TGFBR3: variants seen among roughly 807,000 people sequenced by gnomAD.
The protein encoded by TGFBR3 is transforming growth factor beta receptor 3.
TGFBR3 carries 46 observed loss-of-function variants against 87.9 expected under a neutral mutation model. That is an observed-to-expected ratio of 0.52 (90% CI 0.41 to 0.67). TGFBR3 has a LOEUF of 0.67. Ranked by LOEUF, TGFBR3 falls within the 30% of genes least tolerant of loss-of-function variation. TGFBR3 has a pLI of 0.00. For synonymous variants in TGFBR3, 381 were observed against 391.6 expected, an observed-to-expected ratio of 0.97 and a Z score of 0.32; for missense variants, 866 against 1,041.9, an observed-to-expected ratio of 0.83 and a Z score of 2.32.
At chr1:91,816,038 T>A (rs140075972) in intron 2 of TGFBR3, among the ~76,000 whole-genome samples, 187 of 152,266 alleles carry the variant, frequency 1.2e-3, no homozygotes, top group Middle Eastern at 6.8e-3. Context: ...AACCCATGAA[T>A]TGAAAGACTG....
intron 7 of TGFBR3, among the ~76,000 whole-genome samples, chr1:91,724,133 G>A (rs544425245): frequency 2.6e-5 from 4 of 152,132 alleles, no homozygotes; most frequent in East Asian, 1.9e-4. Flanking sequence ...CAACTTCTGC[G>A]GCCATTTGTA....
chr1:91,776,617 G>A (rs1674575113), intron 3 of TGFBR3, among the ~76,000 whole-genome samples: 2 of 152,180 alleles, frequency 1.3e-5, no homozygotes, highest in South Asian at 4.1e-4. Flanking sequence ...TCTCTGGAAA[G>A]AAGCCTACCA....
intron 2 of TGFBR3, among the ~76,000 whole-genome samples, chr1:91,899,004 C>T (rs1238256491): frequency 6.6e-6 from 1 of 152,080 alleles, no homozygotes; most frequent in Non-Finnish European, 1.5e-5. Flanking sequence ...CTCAATTTTC[C>T]TCCTTGTGAT....
At chr1:91,775,294 C>T (rs1303494732) in intron 3 of TGFBR3, among the ~76,000 whole-genome samples, 1 of 152,216 alleles carries the variant, frequency 6.6e-6, no homozygotes, top group African/African-American at 2.4e-5. Flanking sequence ...CTCCGCAGGG[C>T]CCCACGTGAT....
At chr1:91,869,117 C>A (rs1323364039) in intron 1 of TGFBR3, among the ~76,000 whole-genome samples, 1 of 152,218 alleles carries the variant, frequency 6.6e-6, no homozygotes, top group Non-Finnish European at 1.5e-5. Flanking sequence ...ATCTTCAGGT[C>A]TCAGCAAAAG....
intron 3 of TGFBR3, among the ~76,000 whole-genome samples, chr1:91,794,507 C>CT (rs1278984752): frequency 7.1e-6 from 1 of 140,340 alleles, no homozygotes; most frequent in Non-Finnish European, 1.7e-5. Flanking sequence ...CCGGCCTCCA[C>CT]TTTTTTAAAA....
intron 1 of TGFBR3, among the ~76,000 whole-genome samples, chr1:91,878,926 G>C (rs1158794956): frequency 6.6e-6 from 1 of 152,176 alleles, no homozygotes; most frequent in Non-Finnish European, 1.5e-5. Flanking sequence ...AGTAAAGATA[G>C]AGCTAACATT....
chr1:91,759,360 G>C (rs949307177), intron 3 of TGFBR3, among the ~76,000 whole-genome samples: 4 of 125,672 alleles, frequency 3.2e-5, no homozygotes, highest in African/African-American at 6.0e-5. Flanking sequence ...ACAGAATAAA[G>C]AGTGATTGTA....
chr1:91,761,027 T>G (rs1180261164), intron 3 of TGFBR3, among the ~76,000 whole-genome samples: 1 of 152,236 alleles, frequency 6.6e-6, no homozygotes, highest in Non-Finnish European at 1.5e-5. Context: ...GACTATTTAC[T>G]GAGTACCATA....
chr1:91,735,214 A>G (rs574832310), intron 4 of TGFBR3, among the ~76,000 whole-genome samples: 1 of 152,352 alleles, frequency 6.6e-6, no homozygotes, highest in Non-Finnish European at 1.5e-5. Context: ...TGCATTGCAC[A>G]TTGAGTAATC....
chr1:91,714,466 C>T (rs559955889), intron 12 of TGFBR3, among the ~76,000 whole-genome samples: 49 of 151,860 alleles, frequency 3.2e-4, no homozygotes, highest in Non-Finnish European at 5.6e-4. Context: ...ATGAAAGGGA[C>T]TGTATGGTGT....
At chr1:91,825,241 G>A (rs890963084) in intron 2 of TGFBR3, among the ~76,000 whole-genome samples, 70 of 152,138 alleles carry the variant, frequency 4.6e-4, no homozygotes, top group African/African-American at 1.6e-3. Context: ...CAATGCAAAC[G>A]TTCATTAACT....
In TGFBR3 at chr1:91,770,313, C is replaced by T. The variant is rs368009487; in HGVS notation, c.247-11563G>A. Among the ~76,000 whole-genome samples the T allele has an allele frequency of 1.9e-3, 281 of 151,882 alleles. 2 individuals are homozygous for T. Among genetic ancestry groups the T allele is most frequent in the South Asian group, 0.018 (86 of 4,802 alleles). ...ATGCTGAACTTACATAGACTGATTC[C>T]TACAGATTTAAGAAAAAATTACCTA... On this transcript the variant is annotated intron_variant, in intron 3 of 16. Coordinates refer to ENST00000212355, the MANE Select transcript of TGFBR3 (RefSeq NM_003243.5).
intron 2 of TGFBR3, among the ~76,000 whole-genome samples, chr1:91,845,847 G>T (rs1460140483): frequency 6.6e-6 from 1 of 152,142 alleles, no homozygotes; most frequent in Admixed American, 6.5e-5. Context: ...ACTATTTAAA[G>T]CCCTGATCCT....
At chr1:91,844,744 T>C (rs1311368137) in intron 2 of TGFBR3, among the ~76,000 whole-genome samples, 1 of 152,238 alleles carries the variant, frequency 6.6e-6, no homozygotes, top group Admixed American at 6.5e-5. Flanking sequence ...GATATACAAG[T>C]AGGTCTTGTT....
intron 2 of TGFBR3, among the ~76,000 whole-genome samples, chr1:91,855,509 C>A (rs1677905853): frequency 1.3e-5 from 2 of 152,202 alleles, no homozygotes; most frequent in South Asian, 2.1e-4. Flanking sequence ...CAGCTAATAT[C>A]TTTTAAAGAT....
chr1:91,793,576 G>A (rs1227383755), intron 3 of TGFBR3, among the ~76,000 whole-genome samples: 10 of 151,998 alleles, frequency 6.6e-5, no homozygotes, highest in Admixed American at 4.6e-4. Flanking sequence ...AGTCTGAGGC[G>A]GACGGATCAC....
chr1:91,833,295 C>CAAAAAAA (rs33915205), intron 2 of TGFBR3, among the ~76,000 whole-genome samples: 4 of 32,052 alleles, frequency 1.2e-4, no homozygotes, highest in African/African-American at 5.2e-4. Flanking sequence ...GACTCCGACT[C>CAAAAAAA]AAAAAAAAAA....
intron 4 of TGFBR3, among the ~76,000 whole-genome samples, chr1:91,757,391 T>C (rs563416279): frequency 6.6e-6 from 1 of 152,362 alleles, no homozygotes; most frequent in East Asian, 1.9e-4. Flanking sequence ...TAAGGTATCA[T>C]GGGATATCCC....
Sources: gnomAD v4.1 joint callset for allele counts (sites outside exome capture counted in the v4.1 genomes callset) on GRCh38, gnomAD v4.1.1 for gene constraint, MANE v1.5 for transcripts, NCBI Gene and HGNC (gene_info 2026-07-23, HGNC 2026-07-21) for gene names.